Variants in PBX3 observed in about 807,000 individuals in gnomAD.
The protein encoded by PBX3 is pre-B-cell leukemia transcription factor 3.
A neutral mutation model predicts 48.5 loss-of-function variants in PBX3; 14 were observed. The observed-to-expected ratio is 0.29, with a 90% confidence interval of 0.19 to 0.45. The LOEUF is 0.45. Ranked by LOEUF, PBX3 falls within the 20% of genes least tolerant of loss-of-function variation. PBX3 has a pLI of 1.00. For synonymous variants in PBX3, 210 were observed against 200.3 expected (o/e 1.05, Z -0.41); for missense variants, 386 against 546.7 (o/e 0.71, Z 2.93).
Position 125,878,670 on chromosome 9 carries a change from A to G in PBX3, c.275-37016A>G, listed in dbSNP as rs531484875. On this transcript the variant is annotated intron_variant, in intron 2 of 8. Coordinates refer to ENST00000373489, the MANE Select transcript of PBX3 (RefSeq NM_006195.6). The stretch of plus-strand genomic sequence containing the variant: ...CAGATGTGCTTTAAAGAGTACTACA[A>G]TAAACTCATTTGGATGCTGATGATG... 2.0e-4 allele frequency among the ~76,000 whole-genome samples: 30 copies of G among 152,356 alleles called. 1 individual carries two copies. Among genetic ancestry groups the G allele is most frequent in the South Asian group, 1.9e-3 (9 of 4,826 alleles).
At chr9:125,781,318 G>T (rs1441663602) in intron 2 of PBX3, among the ~76,000 whole-genome samples, 1 of 151,846 alleles carries the variant, frequency 6.6e-6, no homozygotes, top group Non-Finnish European at 1.5e-5. Flanking sequence ...AGGAGCTGGA[G>T]ACCAGCCCGG....
intron 2 of PBX3, among the ~76,000 whole-genome samples, chr9:125,797,009 A>G (rs544033185): frequency 2.3e-4 from 35 of 152,180 alleles, no homozygotes; most frequent in African/African-American, 7.7e-4. Flanking sequence ...CCACCCCCCA[A>G]TAATTCTTGG....
At chr9:125,912,109 A>G (rs1245194920) in intron 2 of PBX3, among the ~76,000 whole-genome samples, 1 of 152,154 alleles carries the variant, frequency 6.6e-6, no homozygotes, top group East Asian at 1.9e-4. Context: ...CACTCAGGTC[A>G]AGCCTTCATT....
intron 5 of PBX3, among the ~76,000 whole-genome samples, chr9:125,941,776 T>C (rs1424271581): frequency 6.6e-6 from 1 of 152,230 alleles, no homozygotes; most frequent in African/African-American, 2.4e-5. Context: ...ATACTCTTAA[T>C]TAGTAGAGCA....
intron 2 of PBX3, among the ~76,000 whole-genome samples, chr9:125,833,162 T>C (rs1839014783): frequency 1.3e-5 from 2 of 152,040 alleles, no homozygotes; most frequent in African/African-American, 4.8e-5. Context: ...GTTTACTGAG[T>C]TCCTGCAATA....
intron 2 of PBX3, among the ~76,000 whole-genome samples, chr9:125,776,575 G>A (rs926703080): frequency 6.6e-6 from 1 of 152,064 alleles, no homozygotes; most frequent in Non-Finnish European, 1.5e-5. Flanking sequence ...TTGCTCTGTT[G>A]CCTAGGCTGG....
intron 5 of PBX3, among the ~76,000 whole-genome samples, chr9:125,943,377 A>G (rs1588323678): frequency 2.4e-5 from 1 of 42,088 alleles, no homozygotes; most frequent in Non-Finnish European, 5.7e-5. Context: ...AAAAAAAAAA[A>G]AAAAAAAAAA....
At chr9:125,837,744 C>A (rs1248221771) in intron 2 of PBX3, among the ~76,000 whole-genome samples, 1 of 152,064 alleles carries the variant, frequency 6.6e-6, no homozygotes, top group Non-Finnish European at 1.5e-5. Context: ...GCACCTGCCA[C>A]CATGCCCGGC....
At chr9:125,758,586 TAA>T (rs987094909) in intron 2 of PBX3, among the ~76,000 whole-genome samples, 14 of 152,322 alleles carry the variant, frequency 9.2e-5, no homozygotes, top group Admixed American at 4.6e-4. Context: ...GATGTTCCCA[TAA>T]AGTTTTCCCT....
intron 2 of PBX3, among the ~76,000 whole-genome samples, chr9:125,892,218 T>C (rs75001292): frequency 0.059 from 9,046 of 152,194 alleles, 624 homozygotes; most frequent in East Asian, 0.17. Context: ...CCACCACTCC[T>C]GGCCTCAATC....
chr9:125,842,360 A>G (rs1433229521), intron 2 of PBX3, among the ~76,000 whole-genome samples: 2 of 152,164 alleles, frequency 1.3e-5, no homozygotes, highest in Non-Finnish European at 2.9e-5. Flanking sequence ...AAACACATTC[A>G]TGTTGACATC....
At position 125,905,617 on chromosome 9, in the gene PBX3, T is replaced by G. The variant is rs1022566335; in HGVS notation, c.275-10069T>G. Among the ~76,000 whole-genome samples, 5 of 152,032 alleles carry G rather than the reference T, an allele frequency of 3.3e-5. No homozygotes were observed. In the East Asian group the frequency reaches 9.7e-4, roughly 29 times the overall value. On this transcript the variant is annotated intron_variant, in intron 2 of 8. Transcript: ENST00000373489. ...GGGTTAATGAAAGATATATTGACTTTTTTAGTTATGCTTTTATTTATTCAT... is the reference window on the plus strand; with the variant it reads ...GGGTTAATGAAAGATATATTGACTTGTTTAGTTATGCTTTTATTTATTCAT...
intron 2 of PBX3, among the ~76,000 whole-genome samples, chr9:125,774,875 C>CTTT (rs929912366): frequency 8.5e-5 from 12 of 141,706 alleles, no homozygotes; most frequent in African/African-American, 1.0e-4. Flanking sequence ...GTTCCAGTTT[C>CTTT]TTTTTTTTTT....
At chr9:125,894,077 G>C (rs1840712949) in intron 2 of PBX3, among the ~76,000 whole-genome samples, 1 of 151,320 alleles carries the variant, frequency 6.6e-6, no homozygotes, top group African/African-American at 2.4e-5. Context: ...TAAAACACTT[G>C]AAAAAGTACA....
chr9:125,832,761 G>A (rs1459376138), intron 2 of PBX3, among the ~76,000 whole-genome samples: 1 of 152,134 alleles, frequency 6.6e-6, no homozygotes, highest in Non-Finnish European at 1.5e-5. Flanking sequence ...TGAGTTCTGG[G>A]TTTCATGGCT....
chr9:125,748,657 C>T (rs748282627), intron 2 of PBX3, 34 bp downstream of exon 2: 6 of 1,568,088 alleles, frequency 3.8e-6, no homozygotes, highest in Non-Finnish European at 5.3e-6. Context: ...GGCCTGGAGA[C>T]CCCCGAGGTG....
intron 2 of PBX3, among the ~76,000 whole-genome samples, chr9:125,833,834 A>G (rs1462206510): frequency 2.0e-5 from 3 of 152,184 alleles, no homozygotes; most frequent in African/African-American, 7.2e-5. Flanking sequence ...GTGTAGACAT[A>G]TATTTTCATT....
chr9:125,780,415 G>A (rs1195211295), intron 2 of PBX3, among the ~76,000 whole-genome samples: 4 of 41,042 alleles, frequency 9.7e-5, no homozygotes, highest in African/African-American at 2.8e-4. Context: ...GCGGGGGGCT[G>A]ACCCCCCCCC....
chr9:125,865,305 TGTGA>T (rs1457212622), intron 2 of PBX3: 2 of 169,224 alleles, frequency 1.2e-5, no homozygotes, highest in African/African-American at 4.8e-5. Flanking sequence ...AGCAATTACA[TGTGA>T]GTATGTTCTT....
Sources: gnomAD v4.1 joint callset for allele counts (sites outside exome capture counted in the v4.1 genomes callset) on GRCh38, gnomAD v4.1.1 for gene constraint, MANE v1.5 for transcripts, NCBI Gene and HGNC (gene_info 2026-07-23, HGNC 2026-07-21) for gene names.